The following RBPJ variants were observed in gnomAD, a reference collection of about 807,000 sequenced individuals.
RBPJ encodes the protein recombining binding protein suppressor of hairless.
A neutral mutation model predicts 67.8 loss-of-function variants in RBPJ; 9 were observed. The observed-to-expected ratio is 0.13, with a 90% CI of 0.08 to 0.23. RBPJ has a LOEUF of 0.23. Among genes scored for constraint, RBPJ ranks in the 10% least tolerant of loss-of-function variants. The pLI, the probability that RBPJ is intolerant of heterozygous loss-of-function variation, is 1.00. For missense variants in RBPJ, 305 were observed against 595.6 expected (o/e 0.51, Z 5.08); for synonymous variants, 198 against 203.3 (o/e 0.97, Z 0.22).
intron 1 of RBPJ, among the ~76,000 whole-genome samples, chr4:26,294,796 C>A (rs1441481679): frequency 6.6e-6 from 1 of 151,510 alleles, no homozygotes; most frequent in Non-Finnish European, 1.5e-5. Context: ...GCACAAGAAT[C>A]ACCTGGGAGG....
intron 1 of RBPJ, among the ~76,000 whole-genome samples, chr4:26,306,696 G>A (rs1001569056): frequency 2.6e-5 from 4 of 151,542 alleles, no homozygotes; most frequent in Admixed American, 6.6e-5. Flanking sequence ...TGATCCACCC[G>A]CTTCAGCCTC....
chr4:26,402,868 A>G (rs1732985709), intron 2 of RBPJ, among the ~76,000 whole-genome samples: 1 of 152,202 alleles, frequency 6.6e-6, no homozygotes, highest in Non-Finnish European at 1.5e-5. Context: ...GAATACTTTC[A>G]ACTTGGAGGT....
At chr4:26,338,577 C>CTTT (rs34060445) in intron 1 of RBPJ, among the ~76,000 whole-genome samples, 2 of 137,576 alleles carry the variant, frequency 1.5e-5, no homozygotes, top group Non-Finnish European at 3.1e-5. Context: ...TAGGCTCTAA[C>CTTT]TTTTTTTTTT....
At chr4:26,142,607 A>G in the RBPJ span, among the ~76,000 whole-genome samples, 2 of 152,250 alleles carry the variant, frequency 1.3e-5, no homozygotes, top group Non-Finnish European at 2.9e-5. Flanking sequence ...GACATGACCA[A>G]GGTCTTCATT....
intron 2 of RBPJ, among the ~76,000 whole-genome samples, chr4:26,391,214 AAAG>A (rs757442212): frequency 3.9e-5 from 6 of 152,242 alleles, no homozygotes; most frequent in Non-Finnish European, 5.9e-5. Context: ...AAAAAAGAAA[AAAG>A]AACTTACACT....
chr4:26,119,235 G>T, the RBPJ span, among the ~76,000 whole-genome samples: 1 of 152,060 alleles, frequency 6.6e-6, no homozygotes, highest in Admixed American at 6.6e-5. Context: ...CACATCCATT[G>T]TCTCATTTCT....
At position 26,430,911 on chromosome 4, in the gene RBPJ, C is replaced by G; in HGVS notation, c.1368C>G (p.Pro456=). Residue 456 remains proline, a synonymous_variant, in exon 11 of 11, where the codon CCC becomes CCG. Coordinates refer to ENST00000355476, the MANE Select transcript of RBPJ (RefSeq NM_015874.6). The surrounding 1 kb of genome is among the most constrained non-coding windows in gnomAD (Gnocchi z 4.1). ...AILRANSSQV[P]PNESNTNSEG... ...TTCGAGCCAATTCAAGCCAGGTGCC[C>G]CCTAACGAATCAAACACAAACAGCG... 1 of 1,613,916 alleles carries G rather than the reference C, an allele frequency of 6.2e-7. No individual in the cohort carries two copies.
In RBPJ at chr4:26,433,649, C is replaced by A. The variant is rs1282204473; in HGVS notation, c.*2642C>A. ...GAATGTACTTATACAGGCATTTTTC[C>A]CCACCTATTTTTGGCCATTCTCATA... On this transcript the variant is annotated 3_prime_UTR_variant, in exon 11 of 11. Coordinates refer to ENST00000355476, the MANE Select transcript of RBPJ (RefSeq NM_015874.6). The A allele has an allele frequency of 6.6e-6, 1 of 151,920 alleles. No individual in the cohort carries two copies. Among genetic ancestry groups the A allele is most frequent in the African/African-American group, 2.4e-5 (1 of 41,336 alleles). 9.4% of individuals were successfully genotyped at this position (151,920 alleles called of 1,614,324 possible).
At chr4:26,408,033 G>A (rs1398357368) in intron 3 of RBPJ, among the ~76,000 whole-genome samples, 1 of 151,030 alleles carries the variant, frequency 6.6e-6, no homozygotes, top group East Asian at 1.9e-4. Context: ...CACCACCATG[G>A]CCAGCTAATT....
At chr4:26,260,120 A>G (rs1020879214) in intron 1 of RBPJ, among the ~76,000 whole-genome samples, 3 of 152,248 alleles carry the variant, frequency 2.0e-5, no homozygotes, top group Admixed American at 2.0e-4. Context: ...AAATCCATGC[A>G]TAGTTTTTTC....
chr4:26,201,535 A>G (rs530324875), intron 1 of RBPJ, among the ~76,000 whole-genome samples: 28 of 152,174 alleles, frequency 1.8e-4, no homozygotes, highest in African/African-American at 6.3e-4. Flanking sequence ...TTCACTCCAC[A>G]GCTTCATTGC....
chr4:26,374,068 G>A (rs113326839), intron 1 of RBPJ, among the ~76,000 whole-genome samples: 3,700 of 151,680 alleles, frequency 0.024, 161 homozygotes, highest in African/African-American at 0.084. Context: ...ACAGGTGCCC[G>A]CCACCGGCTT....
the RBPJ span, among the ~76,000 whole-genome samples, chr4:26,148,968 G>T: frequency 3.9e-5 from 6 of 152,220 alleles, no homozygotes; most frequent in Non-Finnish European, 7.3e-5. Context: ...GTGGTAAGTA[G>T]CAGAAGTGTT....
downstream of RBPJ, chr4:26,435,086 T>C (rs1440596880): frequency 6.6e-6 from 1 of 152,232 alleles, no homozygotes; most frequent in Non-Finnish European, 1.5e-5. Flanking sequence ...TTGTCAATGT[T>C]TTTAACTATA....
At chr4:26,225,858 A>T (rs566076994) in intron 1 of RBPJ, among the ~76,000 whole-genome samples, 2 of 152,262 alleles carry the variant, frequency 1.3e-5, no homozygotes, top group African/African-American at 2.4e-5. Context: ...GGGGAAAAAA[A>T]AGGAATAGGC....
rs1414311861 is a variant in RBPJ, at chr4:26,432,297, C to G, written c.*1290C>G. On this transcript the variant is annotated 3_prime_UTR_variant, in exon 11 of 11. Transcript: ENST00000355476. ...CATTGTAATCTTAAAACATAAGATG[C>G]TTTTATTAGATGATCAACTAAAATA... The G allele has an allele frequency of 6.6e-6, 1 of 152,168 alleles. No individual in the cohort carries two copies. The highest frequency in any genetic ancestry group is 1.5e-5 in the Non-Finnish European group (1 of 68,038). 9.4% of individuals were successfully genotyped at this position (152,168 alleles called of 1,614,324 possible).
intron 1 of RBPJ, among the ~76,000 whole-genome samples, chr4:26,270,224 T>C (rs1427921219): frequency 7.0e-6 from 1 of 143,770 alleles, no homozygotes; most frequent in Admixed American, 7.4e-5. Context: ...GAGGTTGCAG[T>C]GAGCCAAGAA....
chr4:26,323,245 A>G lies in RBPJ; in HGVS notation c.20+2197A>G, dbSNP rs1168759007. Among the ~76,000 whole-genome samples the G allele has an allele frequency of 3.3e-5, 5 of 151,904 alleles. No homozygotes were observed. The East Asian group carries it at 7.7e-4, about 23-fold the overall frequency. ...CCCTTACTTGTTCTTGTACATAATC[A>G]TTGTTTTGAAGGTAAAATCTTGAGC... On this transcript the variant is annotated intron_variant, in intron 1 of 10. Transcript: ENST00000355476.
chr4:26,202,608 T>A (rs1331127093), intron 1 of RBPJ, among the ~76,000 whole-genome samples: 1 of 151,986 alleles, frequency 6.6e-6, no homozygotes, highest in Non-Finnish European at 1.5e-5. Context: ...TGTCTCTTTT[T>A]AGAAATATAA....
Sources: gnomAD v4.1 joint callset for allele counts (sites outside exome capture counted in the v4.1 genomes callset) on GRCh38, gnomAD v4.1.1 for gene constraint, Gnocchi (gnomAD v3.1) non-coding constraint, MANE v1.5 for transcripts, NCBI Gene and HGNC (gene_info 2026-07-23, HGNC 2026-07-21) for gene names.